The following SLC39A12 variants were observed in gnomAD, a reference collection of about 807,000 sequenced individuals.
SLC39A12 encodes the protein solute carrier family 39 member 12, also known as zinc transporter ZIP12.
SLC39A12 carries 63 observed loss-of-function variants against 71.1 expected under a neutral mutation model. That is an observed-to-expected ratio of 0.89 (90% CI 0.72 to 1.09). The LOEUF (loss-of-function observed/expected upper bound fraction) is 1.09. Ranked by LOEUF, SLC39A12 falls within the 50% of genes least tolerant of loss-of-function variation. The pLI is 0.00. For missense variants in SLC39A12, 892 were observed against 812.6 expected (o/e 1.10, Z -1.19); for synonymous variants, 351 against 301.3 (o/e 1.16, Z -1.71).
intron 6 of SLC39A12, among the ~76,000 whole-genome samples, chr10:17,983,647 T>A (rs1174088198): frequency 6.6e-6 from 1 of 152,058 alleles, no homozygotes; most frequent in Non-Finnish European, 1.5e-5. Flanking sequence ...CTGAGTATGC[T>A]GGCGGGTGCC....
chr10:17,985,293 A>C (rs1327029237), intron 6 of SLC39A12, among the ~76,000 whole-genome samples: 6 of 152,210 alleles, frequency 3.9e-5, no homozygotes, highest in Non-Finnish European at 7.3e-5. Flanking sequence ...CAGCAAGCTG[A>C]GATTGTGCCA....
At chr10:18,012,165 G>C (rs971416578) in intron 12 of SLC39A12, among the ~76,000 whole-genome samples, 1 of 152,024 alleles carries the variant, frequency 6.6e-6, no homozygotes, top group Non-Finnish European at 1.5e-5. Flanking sequence ...AATCAAATAT[G>C]ATTCTAAAAT....
At position 17,965,671 on chromosome 10, in the gene SLC39A12, G is replaced by T; in HGVS notation, c.732G>T (p.Thr244=). The part of the protein sequence containing the change: ...TEYIFSSLNR[T]NTLRLSELDQ... ...ATATTTTCAGTTCCTTGAATCGTAC[G>T]AATACCCTCCGCCTATCAGGTAAGG... The change falls in exon 4 of 13, where the codon ACG becomes ACT. Residue 244 remains threonine (T), a synonymous_variant. Transcript: ENST00000377369. 6.2e-7 allele frequency: 1 copy of T among 1,613,732 alleles called. No homozygotes were observed. The highest frequency in any genetic ancestry group is 1.1e-5 in the South Asian group (1 of 91,048).
At chr10:17,989,352 T>C (rs898519077) in intron 7 of SLC39A12, among the ~76,000 whole-genome samples, 5 of 152,254 alleles carry the variant, frequency 3.3e-5, no homozygotes, top group African/African-American at 1.2e-4. Flanking sequence ...ATTGCCCTCA[T>C]AATCTAATAT....
intron 5 of SLC39A12, among the ~76,000 whole-genome samples, chr10:17,978,460 C>T (rs898926240): frequency 2.0e-5 from 3 of 152,062 alleles, no homozygotes; most frequent in Middle Eastern, 3.2e-3. Flanking sequence ...TTTCTGTTAC[C>T]TCTGCCATGT....
chr10:17,988,176 C>T (rs141650486), intron 7 of SLC39A12, among the ~76,000 whole-genome samples: 3 of 152,118 alleles, frequency 2.0e-5, no homozygotes, highest in African/African-American at 7.2e-5. Context: ...GGCATAGTGC[C>T]ATGCGTCTGT....
At chr10:17,957,996 A>AAGATG in intron 2 of SLC39A12, among the ~76,000 whole-genome samples, 1 of 152,324 alleles carries the variant, frequency 6.6e-6, no homozygotes, top group East Asian at 1.9e-4. Flanking sequence ...CCGACAAAAG[A>AAGATG]AGATGCTTCT....
At chr10:17,999,483 A>C (rs1323417523) in intron 10 of SLC39A12, among the ~76,000 whole-genome samples, 1 of 152,164 alleles carries the variant, frequency 6.6e-6, no homozygotes, top group African/African-American at 2.4e-5. Context: ...CAAAATAAGT[A>C]CTATGCTCAA....
intron 10 of SLC39A12, among the ~76,000 whole-genome samples, chr10:17,997,040 A>T (rs1421749066): frequency 6.7e-6 from 1 of 149,174 alleles, no homozygotes. Flanking sequence ...AAAAAAAAGA[A>T]AAAGAAAAAA....
rs773815080 is a variant in SLC39A12, at chr10:17,965,551, G to T, written c.612G>T (p.Thr204=). Reference sequence around the variant, plus strand: ...GCAGTGAAGGTGCTAATGAAAGTACGCTTCCTCAGTTGGCAGCCATGATCA... The same window carrying T: ...GCAGTGAAGGTGCTAATGAAAGTACTCTTCCTCAGTTGGCAGCCATGATCA... ...IVSSEGANES[T]LPQLAAMIIT... Residue 204 remains threonine, a synonymous_variant, in exon 4 of 13, where the codon ACG becomes ACT. Transcript: ENST00000377369. The T allele has an allele frequency of 3.7e-6, 6 of 1,614,090 alleles. No individual in the cohort carries two copies. In the East Asian group the frequency reaches 1.1e-4, roughly 30 times the overall value.
At chr10:18,040,275 A>G (rs1348723845) in intron 12 of SLC39A12, among the ~76,000 whole-genome samples, 1 of 152,176 alleles carries the variant, frequency 6.6e-6, no homozygotes, top group East Asian at 1.9e-4. Flanking sequence ...TAAAGACACC[A>G]AAAGAGCATG....
intron 12 of SLC39A12, among the ~76,000 whole-genome samples, chr10:18,015,073 A>G (rs1836338993): frequency 6.6e-6 from 1 of 152,172 alleles, no homozygotes; most frequent in Non-Finnish European, 1.5e-5. Context: ...CGGTCTTCCT[A>G]ATTTATCAAT....
At chr10:17,997,532 G>A (rs1835721648) in intron 10 of SLC39A12, among the ~76,000 whole-genome samples, 1 of 152,092 alleles carries the variant, frequency 6.6e-6, no homozygotes, top group Non-Finnish European at 1.5e-5. Flanking sequence ...AGAAGGACAT[G>A]CCCAGTCAAA....
intron 9 of SLC39A12, 33 bp downstream of exon 9, chr10:17,993,324 T>A: frequency 3.0e-6 from 4 of 1,324,764 alleles, no homozygotes; most frequent in Non-Finnish European, 4.2e-6. Flanking sequence ...TCTACTGATC[T>A]GATTACCTTC....
intron 2 of SLC39A12, among the ~76,000 whole-genome samples, chr10:17,954,575 G>A (rs1259016552): frequency 2.6e-5 from 4 of 152,178 alleles, no homozygotes; most frequent in South Asian, 2.1e-4. Context: ...TTAATATGAC[G>A]TCAGTGATGT....
chr10:18,015,615 G>A (rs920277441), intron 12 of SLC39A12, among the ~76,000 whole-genome samples: 1 of 138,782 alleles, frequency 7.2e-6, no homozygotes, highest in African/African-American at 2.8e-5. Context: ...CTCGAAATAT[G>A]CTTTAGTTTT....
chr10:17,992,663 G>A (rs146490094), intron 8 of SLC39A12, among the ~76,000 whole-genome samples: 1 of 152,328 alleles, frequency 6.6e-6, no homozygotes, highest in East Asian at 1.9e-4. Flanking sequence ...GAAATCCAGT[G>A]TGGTAATGAG....
chr10:17,957,341 T>A (rs1564637379), intron 2 of SLC39A12, among the ~76,000 whole-genome samples: 1 of 152,148 alleles, frequency 6.6e-6, no homozygotes, highest in Non-Finnish European at 1.5e-5. Flanking sequence ...GAGTAGCCTG[T>A]TTAGCTTGAA....
chr10:17,957,447 C>T (rs577668508), intron 2 of SLC39A12, among the ~76,000 whole-genome samples: 4 of 152,156 alleles, frequency 2.6e-5, no homozygotes, highest in East Asian at 3.9e-4. Context: ...TGAGATTCCC[C>T]CCGCCCCAAA....
Sources: allele counts gnomAD v4.1 joint callset (sites outside exome capture counted in the v4.1 genomes callset), GRCh38; gene constraint gnomAD v4.1.1; transcripts MANE v1.5; gene names NCBI Gene and HGNC (gene_info 2026-07-23, HGNC 2026-07-21).